The following PPP2R5C variants were observed in gnomAD, a reference collection of about 807,000 sequenced individuals.
PPP2R5C encodes serine/threonine-protein phosphatase 2A 56 kDa regulatory subunit gamma isoform.
Under a neutral mutation model 68.9 loss-of-function variants are expected in PPP2R5C, and 7 were observed. That is an observed-to-expected ratio of 0.10 (90% confidence interval 0.06 to 0.19). The LOEUF is 0.19. Among genes scored for constraint, PPP2R5C ranks in the 10% least tolerant of loss-of-function variants. The pLI, the probability that PPP2R5C is intolerant of heterozygous loss-of-function variation, is 1.00. For synonymous variants in PPP2R5C, 210 were observed against 222.2 expected (o/e 0.95, Z 0.49); for missense variants, 348 against 641.3 (o/e 0.54, Z 4.94).
intron 2 of PPP2R5C, among the ~76,000 whole-genome samples, chr14:101,769,180 T>C (rs1477926022): frequency 6.6e-6 from 1 of 152,228 alleles, no homozygotes; most frequent in Non-Finnish European, 1.5e-5. Context: ...TCAGCGAAGC[T>C]GTTTCTCACC....
chr14:101,886,035 A>G (rs2044484838), intron 5 of PPP2R5C, among the ~76,000 whole-genome samples: 1 of 151,794 alleles, frequency 6.6e-6, no homozygotes, highest in South Asian at 2.1e-4. Flanking sequence ...TAATCCCAGC[A>G]CTTTGGGAGG....
In PPP2R5C at chr14:101,793,013, G is replaced by A. The variant is rs2038432266; in HGVS notation, c.259+6830G>A. Among the ~76,000 whole-genome samples, 3 of 151,950 alleles carry A rather than the reference G, an allele frequency of 2.0e-5. No homozygotes were observed. The South Asian group carries it at 6.3e-4, about 32-fold the overall frequency. On this transcript the variant is annotated intron_variant, in intron 3 of 14. Coordinates refer to the PPP2R5C transcript ENST00000328724. Reference sequence around the variant, plus strand: ...CTGCCTCAGCCTCCCAAGTAGCTAGGATTACAGGCGTGTGCCACCATGCCC... The same window carrying A: ...CTGCCTCAGCCTCCCAAGTAGCTAGAATTACAGGCGTGTGCCACCATGCCC...
At chr14:101,904,289 A>G (rs1409232688) in intron 9 of PPP2R5C, among the ~76,000 whole-genome samples, 5 of 152,032 alleles carry the variant, frequency 3.3e-5, no homozygotes, top group Non-Finnish European at 7.4e-5. Flanking sequence ...AGCTGGGACT[A>G]CAGGCGCCTG....
intron 2 of PPP2R5C, among the ~76,000 whole-genome samples, chr14:101,776,262 C>G (rs1233457248): frequency 6.6e-6 from 1 of 152,154 alleles, no homozygotes; most frequent in Non-Finnish European, 1.5e-5. Context: ...AAAGTAAATT[C>G]TAGGTCATCT....
chr14:101,925,181 G>T lies in PPP2R5C; in HGVS notation c.1484G>T (p.Arg495Leu), dbSNP rs147942579. Residue 495 changes from arginine (R) to leucine (L), a missense_variant, in exon 14 of 14, where the codon CGC becomes CTC. This residue lies in a region of PPP2R5C where 118 missense variants were observed against 108.9 expected (regional missense o/e 1.08). Coordinates refer to ENST00000334743, the Ensembl canonical transcript of PPP2R5C. ...AAGAAGGACCGTCCTCTTGCACGCC[G>T]CAAGTCCGAGCTGCCTCAGGACCCC... 5.3e-4 allele frequency: 853 copies of T among 1,614,028 alleles called. 1 individual carries two copies. Among genetic ancestry groups the T allele is most frequent in the Non-Finnish European group, 6.7e-4 (791 of 1,180,004 alleles).
intron 2 of PPP2R5C, among the ~76,000 whole-genome samples, chr14:101,767,527 C>T (rs575383207): frequency 1.9e-4 from 3 of 15,604 alleles, no homozygotes; most frequent in East Asian, 2.1e-3. Flanking sequence ...TTGGGGCTTT[C>T]GCTAGAACCT....
intron 8 of PPP2R5C, among the ~76,000 whole-genome samples, chr14:101,898,519 A>T (rs2045494356): frequency 6.6e-6 from 1 of 152,224 alleles, no homozygotes; most frequent in African/African-American, 2.4e-5. Context: ...TAAAGTGAAT[A>T]TCACTTTGCA....
chr14:101,867,494 G>A (rs2043149684), intron 2 of PPP2R5C, among the ~76,000 whole-genome samples: 1 of 151,822 alleles, frequency 6.6e-6, no homozygotes, highest in African/African-American at 2.4e-5. Flanking sequence ...ATAAAAACAA[G>A]CGGCCAGGCG....
At chr14:101,830,796 G>C (rs2040689040) in intron 1 of PPP2R5C, among the ~76,000 whole-genome samples, 1 of 152,196 alleles carries the variant, frequency 6.6e-6, no homozygotes, top group Non-Finnish European at 1.5e-5. Flanking sequence ...AGCAGCAATA[G>C]AGCCTGCCAG....
At chr14:101,773,521 A>T (rs7154656) in intron 2 of PPP2R5C, among the ~76,000 whole-genome samples, 1,579 of 152,216 alleles carry the variant, frequency 0.01, 30 homozygotes, top group African/African-American at 0.036. Context: ...GGCCCCATGG[A>T]GGAAGTGAGT....
At chr14:101,890,375 C>A in intron 6 of PPP2R5C, 79 bp downstream of exon 8, 1 of 1,374,574 alleles carries the variant, frequency 7.3e-7, no homozygotes, top group South Asian at 1.2e-5. Context: ...GTCCAGCTGC[C>A]CGCTTTAAAG....
rs551990427 is a variant in PPP2R5C at position 101,832,944 on chromosome 14, G to T, written c.94+22908G>T. Among the ~76,000 whole-genome samples the T allele has an allele frequency of 2.6e-5, 4 of 152,354 alleles. No individual in the cohort carries two copies. The South Asian group carries it at 8.3e-4, about 32-fold the overall frequency. On this transcript the variant is annotated intron_variant, in intron 1 of 13. Transcript: ENST00000334743. ...GCTGTTCTTCATTTGGAAAATGGGA[G>T]TGATAACAGTTTCTCTCTCACAGGA... is the stretch of plus-strand genomic sequence containing the variant.
At chr14:101,787,668 G>T (rs568953721) in intron 3 of PPP2R5C, among the ~76,000 whole-genome samples, 1 of 151,802 alleles carries the variant, frequency 6.6e-6, no homozygotes, top group Non-Finnish European at 1.5e-5. Flanking sequence ...TTGGGAGGCT[G>T]AGGCGGGAGA....
chr14:101,831,786 T>C (rs1166207476), intron 1 of PPP2R5C: 3 of 702,136 alleles, frequency 4.3e-6, no homozygotes, highest in Non-Finnish European at 7.8e-6. Context: ...CTGTGGGACT[T>C]GAATATGCGT....
chr14:101,836,669 A>G lies in PPP2R5C; in HGVS notation c.95-20017A>G, dbSNP rs775665534. 2.0e-5 allele frequency: 7 copies of G among 351,464 alleles called. No individual in the cohort carries two copies. The East Asian group carries it at 2.5e-4, about 13-fold the overall frequency. 21.8% of individuals were successfully genotyped at this position (351,464 alleles called of 1,614,324 possible). ...TTTACCTTTATAGATGGGTTACTCT[A>G]AGTAACAAATTAAACACACATGGAT... On this transcript the variant is annotated intron_variant, in intron 1 of 13. Coordinates refer to ENST00000334743, the Ensembl canonical transcript of PPP2R5C.
intron 1 of PPP2R5C, chr14:101,838,971 G>A (rs972079800): frequency 6.6e-6 from 1 of 151,590 alleles, no homozygotes; most frequent in African/African-American, 2.4e-5. Flanking sequence ...TTGAACCTGG[G>A]AGGCAGAGGT....
At chr14:101,773,685 G>A (rs1302881425) in intron 2 of PPP2R5C, among the ~76,000 whole-genome samples, 3 of 152,066 alleles carry the variant, frequency 2.0e-5, no homozygotes, top group Non-Finnish European at 4.4e-5. Flanking sequence ...TGGCAGGGAG[G>A]GGGAGTTGTT....
chr14:101,806,601 T>G (rs2039089321), upstream of PPP2R5C, among the ~76,000 whole-genome samples: 1 of 152,216 alleles, frequency 6.6e-6, no homozygotes, highest in Non-Finnish European at 1.5e-5. Flanking sequence ...ATAATATTAT[T>G]AACTCCTTGT....
At chr14:101,765,438 G>C (rs567002645) in intron 2 of PPP2R5C, 117 of 591,322 alleles carry the variant, frequency 2.0e-4, no homozygotes, top group Non-Finnish European at 3.0e-4. Flanking sequence ...AAATATGATT[G>C]ACTCATGCAG....
Sources: allele counts gnomAD v4.1 joint callset (sites outside exome capture counted in the v4.1 genomes callset), GRCh38; gene constraint gnomAD v4.1.1; regional missense constraint gnomAD v4.1.1; transcripts MANE v1.5; gene names NCBI Gene and HGNC (gene_info 2026-07-23, HGNC 2026-07-21).